Variants in GCNT2 observed in about 807,000 individuals in gnomAD.
GCNT2 encodes the protein N-acetyllactosaminide beta-1,6-N-acetylglucosaminyl-transferase.
A neutral mutation model predicts 34.2 loss-of-function variants in GCNT2; 34 were observed. The ratio of observed to expected loss-of-function variants is 1.00; its 90% CI spans 0.76 to 1.32. GCNT2 has a LOEUF of 1.32. Ranked by LOEUF, GCNT2 falls within the 40% of genes most tolerant of loss-of-function variation. The probability of loss-of-function intolerance (pLI) is 0.00; values close to 1 mark genes in which losing one functional copy is unlikely to be tolerated. For synonymous variants in GCNT2, 212 were observed against 188.0 expected (o/e 1.13, Z -1.04); for missense variants, 584 against 489.4 (o/e 1.19, Z -1.82).
At chr6:10,578,380 CTG>C (rs1266437032) in intron 3 of GCNT2, among the ~76,000 whole-genome samples, 1 of 137,458 alleles carries the variant, frequency 7.3e-6, no homozygotes. Flanking sequence ...GAGTGAGACT[CTG>C]TCTAAAAGTA....
rs187536657 is a variant in GCNT2, at chr6:10,617,281, C to T, written c.926-4070C>T. On this transcript the variant is annotated intron_variant, in intron 3 of 4. Coordinates refer to ENST00000495262, the MANE Select transcript of GCNT2 (RefSeq NM_145649.5). The stretch of plus-strand genomic sequence containing the variant: ...GCAGGTGCTAAGCCCCTCACTGCCC[C>T]GGGCGGCGGGGCCGGCCGGCTTCTC... Among the ~76,000 whole-genome samples, 118 of 152,308 alleles carry T rather than the reference C, an allele frequency of 7.7e-4. 3 individuals carry two copies. In the East Asian group the frequency reaches 0.021, roughly 28 times the overall value.
At chr6:10,613,902 C>T (rs1765659903) in intron 3 of GCNT2, among the ~76,000 whole-genome samples, 1 of 152,140 alleles carries the variant, frequency 6.6e-6, no homozygotes, top group Non-Finnish European at 1.5e-5. Flanking sequence ...TCCCTAATCC[C>T]TAGGCCAGTG....
intron 3 of GCNT2, chr6:10,619,212 C>A (rs1045667023): frequency 6.6e-6 from 1 of 151,932 alleles, no homozygotes; most frequent in African/African-American, 2.4e-5. Context: ...TAGGAATGAT[C>A]CCTCTCTTGT....
At chr6:10,585,071 G>A (rs998849182) in intron 3 of GCNT2, among the ~76,000 whole-genome samples, 1 of 98,114 alleles carries the variant, frequency 1.0e-5, no homozygotes, top group Non-Finnish European at 2.1e-5. Flanking sequence ...GTGTGTGTGT[G>A]TGTGTGTGCG....
chr6:10,563,747 A>G (rs1452018835), intron 3 of GCNT2, among the ~76,000 whole-genome samples: 1 of 50,058 alleles, frequency 2.0e-5, no homozygotes, highest in Non-Finnish European at 3.8e-5. Context: ...ATCTCAAAAA[A>G]AGAAAAAAGA....
intron 4 of GCNT2, among the ~76,000 whole-genome samples, chr6:10,624,200 C>T (rs1355347834): frequency 2.0e-5 from 3 of 152,186 alleles, no homozygotes; most frequent in African/African-American, 7.2e-5. Flanking sequence ...CACCTTTAAG[C>T]TCCCAAGGTG....
At chr6:10,582,536 T>TA (rs1554133685) in intron 3 of GCNT2, among the ~76,000 whole-genome samples, 2 of 124,706 alleles carry the variant, frequency 1.6e-5, no homozygotes, top group African/African-American at 6.2e-5. Context: ...CATCATATAT[T>TA]ATATATCATG....
At position 10,529,535 on chromosome 6, in the gene GCNT2, G is replaced by A; in HGVS notation, c.624G>A (p.Lys208=). The change falls in exon 3 of 5, where the codon AAG becomes AAA. Residue 208 remains lysine, a synonymous_variant. Coordinates refer to ENST00000495262, the MANE Select transcript of GCNT2 (RefSeq NM_145649.5). ...KTNREIVQYL[K]GFKGKNITPG... ...ACAGGGAAATAGTTCAGTATCTGAA[G>A]GGATTTAAAGGGAAAAATATCACCC... is the stretch of plus-strand genomic sequence containing the variant. 3.1e-6 allele frequency: 5 copies of A among 1,614,132 alleles called. No homozygotes were observed. The highest frequency in any genetic ancestry group is 4.2e-6 in the Non-Finnish European group (5 of 1,180,010).
chr6:10,604,598 C>T (rs1208439139), intron 3 of GCNT2, among the ~76,000 whole-genome samples: 1 of 152,122 alleles, frequency 6.6e-6, no homozygotes, highest in Non-Finnish European at 1.5e-5. Context: ...TGCTGGCTCA[C>T]GCTTGTAATT....
intron 3 of GCNT2, among the ~76,000 whole-genome samples, chr6:10,561,350 C>T (rs912366221): frequency 5.9e-5 from 9 of 152,062 alleles, no homozygotes; most frequent in East Asian, 3.9e-4. Context: ...TTAGTAGAGA[C>T]GGGGTTTCTC....
intron 3 of GCNT2, chr6:10,585,651 C>T (rs1764309503): frequency 1.9e-6 from 1 of 513,896 alleles, no homozygotes; most frequent in Non-Finnish European, 3.0e-6. Context: ...CATTGCATTC[C>T]AGAACGTAAT....
At chr6:10,586,488 C>A in intron 3 of GCNT2, 1 of 1,614,204 alleles carries the variant, frequency 6.2e-7, no homozygotes, top group Non-Finnish European at 8.5e-7. Flanking sequence ...CATTTCCAGA[C>A]TCCAGGCTGA....
At chr6:10,545,109 G>C (rs747519495) in intron 3 of GCNT2, among the ~76,000 whole-genome samples, 2 of 152,026 alleles carry the variant, frequency 1.3e-5, no homozygotes, top group Non-Finnish European at 2.9e-5. Flanking sequence ...TAAGAATCAA[G>C]TGGGTACAGC....
At chr6:10,600,394 C>A (rs1765042620) in intron 3 of GCNT2, among the ~76,000 whole-genome samples, 1 of 152,134 alleles carries the variant, frequency 6.6e-6, no homozygotes. Flanking sequence ...GAAGCAGCTT[C>A]TTTGTATTCT....
intron 4 of GCNT2, among the ~76,000 whole-genome samples, chr6:10,624,043 G>C (rs181472273): frequency 6.6e-6 from 1 of 152,228 alleles, no homozygotes; most frequent in East Asian, 1.9e-4. Context: ...TTGGTGGGGA[G>C]TGTTGCGGAA....
chr6:10,525,434 G>T (rs1342513017), intron 1 of GCNT2, among the ~76,000 whole-genome samples: 1 of 151,942 alleles, frequency 6.6e-6, no homozygotes, highest in African/African-American at 2.4e-5. Context: ...CGTCCTTTTG[G>T]TCACTCCCTG....
At chr6:10,566,400 C>T (rs1280652115) in intron 3 of GCNT2, among the ~76,000 whole-genome samples, 1 of 152,158 alleles carries the variant, frequency 6.6e-6, no homozygotes, top group Non-Finnish European at 1.5e-5. Flanking sequence ...TAGGCTCAGG[C>T]AGTTCTCCTG....
chr6:10,536,504 A>G lies in GCNT2; in HGVS notation c.925+6668A>G, dbSNP rs1252090978. ...CGAGTAGCTGGGACTACAGGCGCCC[A>G]CCACTGTGCCCGGCTAATTTTTTGT... On this transcript the variant is annotated intron_variant, in intron 3 of 4. Transcript: ENST00000495262. Among the ~76,000 whole-genome samples, 4 of 147,050 alleles carry G rather than the reference A, an allele frequency of 2.7e-5. 1 individual carries two copies. Among genetic ancestry groups the G allele is most frequent in the Admixed American group, 1.4e-4 (2 of 14,758 alleles).
intron 3 of GCNT2, among the ~76,000 whole-genome samples, chr6:10,589,014 GTATATGT>G (rs1764495294): frequency 7.0e-6 from 1 of 142,984 alleles, no homozygotes; most frequent in Admixed American, 7.0e-5. Flanking sequence ...TGTGTGGTGT[GTATATGT>G]GGTGTATGTG....
Sources: allele counts gnomAD v4.1 joint callset (sites outside exome capture counted in the v4.1 genomes callset), GRCh38; gene constraint gnomAD v4.1.1; transcripts MANE v1.5; gene names NCBI Gene and HGNC (gene_info 2026-07-23, HGNC 2026-07-21).